Variants in LMAN2L observed in about 807,000 individuals in gnomAD.
LMAN2L encodes the protein VIP36-like protein.
A neutral mutation model predicts 44.3 loss-of-function variants in LMAN2L; 30 were observed. The observed-to-expected ratio is 0.68, with a 90% CI of 0.51 to 0.92. The LOEUF is 0.92. Ranked by LOEUF, LMAN2L falls within the 40% of genes least tolerant of loss-of-function variation. The pLI, the probability that LMAN2L is intolerant of heterozygous loss-of-function variation, is 0.00. For missense variants in LMAN2L, 429 were observed against 446.1 expected, an observed-to-expected ratio of 0.96 and a Z score of 0.35; for synonymous variants, 183 against 171.1, an observed-to-expected ratio of 1.07 and a Z score of -0.54.
intron 2 of LMAN2L, among the ~76,000 whole-genome samples, chr2:96,734,946 A>C (rs1272175929): frequency 1.3e-5 from 2 of 152,240 alleles, no homozygotes; most frequent in Non-Finnish European, 2.9e-5. Context: ...AGCTGGATTT[A>C]AAGAAAGGTC....
chr2:96,739,593 CCTGT>C (rs2078591119), intron 1 of LMAN2L, among the ~76,000 whole-genome samples: 1 of 152,206 alleles, frequency 6.6e-6, no homozygotes, highest in Non-Finnish European at 1.5e-5. Flanking sequence ...CCAAACTCCT[CCTGT>C]CTAACTCCAG....
At chr2:96,719,575 G>A (rs1489116413) in intron 4 of LMAN2L, among the ~76,000 whole-genome samples, 3 of 149,804 alleles carry the variant, frequency 2.0e-5, no homozygotes, top group Non-Finnish European at 3.0e-5. Flanking sequence ...TAGCAAGACC[G>A]TATCTCTACA....
chr2:96,716,992 AAT>A, intron 4 of LMAN2L, among the ~76,000 whole-genome samples: 1 of 152,350 alleles, frequency 6.6e-6, no homozygotes, highest in Non-Finnish European at 1.5e-5. Flanking sequence ...ATATTGGGAC[AAT>A]AGGTGAAATA....
In LMAN2L at chr2:96,711,849, G is replaced by A; in HGVS notation, c.669+15C>T. The A allele has an allele frequency of 6.2e-7, 1 of 1,614,118 alleles. No homozygotes were observed. Among genetic ancestry groups the A allele is most frequent in the Non-Finnish European group, 8.5e-7 (1 of 1,179,974 alleles). On this transcript the variant is annotated intron_variant, in intron 5 of 7. Coordinates refer to ENST00000264963, the MANE Select transcript of LMAN2L (RefSeq NM_030805.4). ...CAGCCCACACCACCATCTGGTCCAG[G>A]ACAAGGACTCTCACCGTCAAATGCC...
intron 6 of LMAN2L, among the ~76,000 whole-genome samples, chr2:96,708,973 G>GGT (rs2077850353): frequency 7.3e-6 from 1 of 136,990 alleles, no homozygotes. Flanking sequence ...GGAGTGCAAT[G>GGT]GCACGATCTC....
At chr2:96,724,259 T>C (rs2078221756) in intron 4 of LMAN2L, among the ~76,000 whole-genome samples, 1 of 152,228 alleles carries the variant, frequency 6.6e-6, no homozygotes, top group East Asian at 1.9e-4. Flanking sequence ...TCAGGAAGTG[T>C]GAGCATTCCA....
intron 4 of LMAN2L, among the ~76,000 whole-genome samples, chr2:96,732,792 T>TTTC (rs2078432504): frequency 8.5e-6 from 1 of 117,476 alleles, no homozygotes; most frequent in Non-Finnish European, 1.8e-5. Flanking sequence ...TCTTTCTTTC[T>TTTC]TTTTTTTTTT....
At chr2:96,715,253 A>G (rs1422098179) in intron 4 of LMAN2L, among the ~76,000 whole-genome samples, 3 of 152,192 alleles carry the variant, frequency 2.0e-5, no homozygotes, top group African/African-American at 7.2e-5. Flanking sequence ...ATGTATTTTT[A>G]AAAAGCACCA....
At chr2:96,737,452 C>T (rs770584806) in intron 2 of LMAN2L, among the ~76,000 whole-genome samples, 3 of 152,146 alleles carry the variant, frequency 2.0e-5, no homozygotes, top group Non-Finnish European at 2.9e-5. Flanking sequence ...GAGTTTGAGA[C>T]CAGCCTGGGC....
chr2:96,715,837 T>C (rs976666603), intron 4 of LMAN2L, among the ~76,000 whole-genome samples: 1 of 152,236 alleles, frequency 6.6e-6, no homozygotes, highest in African/African-American at 2.4e-5. Flanking sequence ...CTAACTGCAG[T>C]TATGTCACTT....
intron 2 of LMAN2L, 132 bp from the exon 3 acceptor site, chr2:96,734,658 A>C: frequency 1.6e-6 from 1 of 645,132 alleles, no homozygotes; most frequent in Middle Eastern, 2.5e-4. Context: ...ACTTAAATCT[A>C]AGACTTGCTA....
At chr2:96,709,290 C>G (rs2153320290) in intron 6 of LMAN2L, among the ~76,000 whole-genome samples, 1 of 152,290 alleles carries the variant, frequency 6.6e-6, no homozygotes, top group East Asian at 1.9e-4. Context: ...AGTTTGGCTC[C>G]TGCGTCTCTT....
Position 96,712,666 on chromosome 2 carries a change from C to T in LMAN2L, c.508-641G>A, listed in dbSNP as rs2077952534. On this transcript the variant is annotated intron_variant, in intron 4 of 7. Coordinates refer to ENST00000264963, the MANE Select transcript of LMAN2L (RefSeq NM_030805.4). ...TGACTGTCCTTAGTCAAAAGACTTT[C>T]CAGCCCACTTAAGCCTCCTCCACAC... Among the ~76,000 whole-genome samples, 4 of 152,304 alleles carry T rather than the reference C, an allele frequency of 2.6e-5. No individual in the cohort carries two copies. In the South Asian group the frequency reaches 6.2e-4, roughly 24 times the overall value.
intron 4 of LMAN2L, among the ~76,000 whole-genome samples, chr2:96,715,735 T>C (rs2078027027): frequency 6.6e-6 from 1 of 152,246 alleles, no homozygotes; most frequent in Non-Finnish European, 1.5e-5. Flanking sequence ...ATCTTCAGCA[T>C]ATTTCGATGG....
intron 4 of LMAN2L, among the ~76,000 whole-genome samples, 172 bp downstream of exon 4, chr2:96,733,347 C>T (rs190955039): frequency 1.3e-5 from 2 of 152,292 alleles, no homozygotes; most frequent in Admixed American, 6.5e-5. Flanking sequence ...AGACTGTGCA[C>T]TCCTAAATAG....
intron 4 of LMAN2L, among the ~76,000 whole-genome samples, chr2:96,726,713 G>A (rs2078279872): frequency 6.6e-6 from 1 of 152,048 alleles, no homozygotes; most frequent in Non-Finnish European, 1.5e-5. Flanking sequence ...GAACCCAGGA[G>A]GTGGAGATTG....
At chr2:96,715,973 G>C (rs915742690) in intron 4 of LMAN2L, among the ~76,000 whole-genome samples, 7 of 152,182 alleles carry the variant, frequency 4.6e-5, no homozygotes, top group African/African-American at 1.7e-4. Context: ...GAAGCATTTA[G>C]TACAATGTCT....
At position 96,719,282 on chromosome 2, in the gene LMAN2L, G is replaced by A. The variant is rs375164401; in HGVS notation, c.508-7257C>T. 1.1e-4 allele frequency among the ~76,000 whole-genome samples: 16 copies of A among 152,004 alleles called. No individual in the cohort carries two copies. In the East Asian group the frequency reaches 1.9e-3, roughly 18 times the overall value. ...GGTCCAACACTTTAATCAGAGTCTC[G>A]AAAGGGTCAAAGCCCAAAGAAAAGA... On this transcript the variant is annotated intron_variant, in intron 4 of 7. Coordinates refer to ENST00000264963, the MANE Select transcript of LMAN2L (RefSeq NM_030805.4).
Position 96,727,985 on chromosome 2 carries a change from C to G in LMAN2L, c.507+5534G>C, listed in dbSNP as rs191338618. On this transcript the variant is annotated intron_variant, in intron 4 of 7. Transcript: ENST00000264963. ...TCTTACCCACAAAATAGAGATAATA[C>G]TATCATCTACCCCAAAAGGTTGTTA... Among the ~76,000 whole-genome samples the G allele has an allele frequency of 2.8e-3, 419 of 152,292 alleles. 2 individuals are homozygous for G. Among genetic ancestry groups the G allele is most frequent in the African/African-American group, 9.8e-3 (406 of 41,558 alleles).
Sources: allele counts gnomAD v4.1 joint callset (sites outside exome capture counted in the v4.1 genomes callset), GRCh38; gene constraint gnomAD v4.1.1; transcripts MANE v1.5; gene names NCBI Gene and HGNC (gene_info 2026-07-23, HGNC 2026-07-21).